Variants in CNTN5 observed in about 807,000 individuals in gnomAD.
The protein encoded by CNTN5 is contactin 5, also known as contactin-5.
Under a neutral mutation model 129.1 loss-of-function variants are expected in CNTN5, and 77 were observed. The ratio of observed to expected loss-of-function variants is 0.60; its 90% CI spans 0.50 to 0.72. CNTN5 has a LOEUF of 0.72. Ranked by LOEUF, CNTN5 falls within the 30% of genes least tolerant of loss-of-function variation. CNTN5 has a pLI of 0.00. For missense variants in CNTN5, 1,478 were observed against 1,328.8 expected (o/e 1.11, Z -1.75); for synonymous variants, 509 against 465.6 (o/e 1.09, Z -1.20).
At chr11:99,670,815 G>A (rs565951576) in intron 3 of CNTN5, among the ~76,000 whole-genome samples, 67 of 152,210 alleles carry the variant, frequency 4.4e-4, no homozygotes, top group African/African-American at 1.5e-3. Context: ...CTGCTTGGAC[G>A]CATTTTGAAC....
At chr11:99,279,120 G>A (rs1863581735) in intron 1 of CNTN5, among the ~76,000 whole-genome samples, 1 of 151,732 alleles carries the variant, frequency 6.6e-6, no homozygotes, top group Non-Finnish European at 1.5e-5. Context: ...TTGGTGTTTT[G>A]TTATTTCAAT....
Position 99,553,995 on chromosome 11 carries a change from CAT to C in CNTN5, c.-70-2148_-70-2147del, listed in dbSNP as rs1332664151. Among the ~76,000 whole-genome samples the C allele has an allele frequency of 5.0e-3, 636 of 127,338 alleles. 5 individuals carry two copies. Among genetic ancestry groups the C allele is most frequent in the African/African-American group, 0.019 (605 of 32,458 alleles). 83.5% of individuals were successfully genotyped at this position (127,338 alleles called of 152,430 possible). On this transcript the variant is annotated intron_variant, in intron 2 of 24. Transcript: ENST00000524871. ...ACACACACACACACACACACACACA[CAT>C]ACACACACACACACTTCTTCTTTTA...
At chr11:99,309,720 C>T (rs1001813286) in intron 1 of CNTN5, among the ~76,000 whole-genome samples, 1 of 152,204 alleles carries the variant, frequency 6.6e-6, no homozygotes, top group African/African-American at 2.4e-5. Flanking sequence ...TCATTTTATG[C>T]ATCTCAACTC....
At chr11:99,765,370 C>T (rs1053843553) in intron 3 of CNTN5, among the ~76,000 whole-genome samples, 3 of 150,162 alleles carry the variant, frequency 2.0e-5, no homozygotes, top group African/African-American at 7.5e-5. Flanking sequence ...GACTAAATCT[C>T]AGTATGAAAC....
chr11:99,300,368 G>A lies in CNTN5; in HGVS notation c.-209-24978G>A, dbSNP rs572560692. Among the ~76,000 whole-genome samples the A allele has an allele frequency of 1.1e-4, 17 of 151,810 alleles. No individual in the cohort carries two copies. The South Asian group carries it at 1.2e-3, about 11-fold the overall frequency. Reference sequence around the variant, plus strand: ...TATCTAATGCTTTTTTTAATCTATCGAGGTGACCATATGATTTTCATTTTT... The same window carrying A: ...TATCTAATGCTTTTTTTAATCTATCAAGGTGACCATATGATTTTCATTTTT... On this transcript the variant is annotated intron_variant, in intron 1 of 24. Transcript: ENST00000524871.
At chr11:100,043,858 T>C (rs2137694409) in intron 9 of CNTN5, among the ~76,000 whole-genome samples, 1 of 152,196 alleles carries the variant, frequency 6.6e-6, no homozygotes, top group East Asian at 1.9e-4. Flanking sequence ...AATTAGGTCA[T>C]AAATTCCTTG....
intron 3 of CNTN5, among the ~76,000 whole-genome samples, chr11:99,799,604 A>G (rs878933125): frequency 6.6e-6 from 1 of 152,092 alleles, no homozygotes; most frequent in Non-Finnish European, 1.5e-5. Context: ...CTACTTGATC[A>G]TGAAGAATTA....
At chr11:99,600,765 T>G (rs1159825271) in intron 3 of CNTN5, among the ~76,000 whole-genome samples, 1 of 152,168 alleles carries the variant, frequency 6.6e-6, no homozygotes, top group Non-Finnish European at 1.5e-5. Context: ...CTCCTTTCTT[T>G]TTTTCACCTT....
chr11:99,993,865 A>G (rs1470657934), intron 8 of CNTN5, among the ~76,000 whole-genome samples: 1 of 152,202 alleles, frequency 6.6e-6, no homozygotes, highest in Non-Finnish European at 1.5e-5. Context: ...GCTTTCTAAT[A>G]TGTCCTTATA....
In CNTN5 at chr11:100,308,389, C is replaced by A. The variant is rs200726875; in HGVS notation, c.2651C>A (p.Ala884Glu). 1 of 1,610,808 alleles carries A rather than the reference C, an allele frequency of 6.2e-7. No individual in the cohort carries two copies. Among genetic ancestry groups the A allele is most frequent in the Admixed American group, 1.7e-5 (1 of 59,760 alleles). ...AGTGCTGCTCCCACAGATGTCAAGG[C>A]GACAAGTGTGTCTGTGTCAGAGATT... ...EPSAAPTDVK[A>E]TSVSVSEILV... is the part of the protein sequence containing the mutation. Residue 884 changes from alanine to glutamate, a missense_variant, in exon 21 of 25, where the codon GCG (alanine) becomes GAG (glutamate). By Grantham distance (107) the Ala-to-Glu change is moderately radical (BLOSUM62 -1). Transcript: ENST00000524871.
At chr11:99,876,120 C>T (rs184270960) in intron 6 of CNTN5, among the ~76,000 whole-genome samples, 6 of 152,198 alleles carry the variant, frequency 3.9e-5, no homozygotes. Context: ...TGCATAGTTG[C>T]TACTGTCTAG....
intron 1 of CNTN5, 24 bp from the exon 2 acceptor site, chr11:99,325,322 A>T (rs927562405): frequency 2.0e-5 from 3 of 152,234 alleles, no homozygotes; most frequent in African/African-American, 7.2e-5. Context: ...TTTTATCACA[A>T]TAGTATATAT....
chr11:99,546,461 AT>A (rs1157457940), intron 2 of CNTN5, among the ~76,000 whole-genome samples: 2 of 152,084 alleles, frequency 1.3e-5, no homozygotes, highest in Non-Finnish European at 2.9e-5. Flanking sequence ...AGATCTATAA[AT>A]TGAGAGAGGA....
At chr11:99,195,898 C>T (rs967589842) in intron 1 of CNTN5, among the ~76,000 whole-genome samples, 1 of 151,886 alleles carries the variant, frequency 6.6e-6, no homozygotes, top group South Asian at 2.1e-4. Context: ...CAAAGAAATA[C>T]TTTATTCTGT....
chr11:99,873,088 A>G (rs1948544248), intron 6 of CNTN5, among the ~76,000 whole-genome samples: 1 of 2,978 alleles, frequency 3.4e-4, no homozygotes, highest in Non-Finnish European at 5.7e-4. Context: ...ACACTTTTGT[A>G]ACTGCCACCC....
At chr11:100,108,399 T>G (rs899658365) in intron 13 of CNTN5, among the ~76,000 whole-genome samples, 2 of 152,000 alleles carry the variant, frequency 1.3e-5, no homozygotes, top group South Asian at 4.1e-4. Context: ...GTGAGATGTA[T>G]GGTAGGAAAG....
At chr11:99,930,818 C>CACACACAT (rs1261996653) in intron 7 of CNTN5, among the ~76,000 whole-genome samples, 3 of 151,502 alleles carry the variant, frequency 2.0e-5, no homozygotes, top group Admixed American at 1.3e-4. Flanking sequence ...CACACACACA[C>CACACACAT]ATTTTAGTAT....
Position 100,070,846 on chromosome 11 carries a change from T to C in CNTN5, c.1299+286T>C, listed in dbSNP as rs967886750. The stretch of plus-strand genomic sequence containing the variant: ...ATTACATTTTTTGGTAATACAGTGT[T>C]TCTTTAAACTGTTTTCAATCCTATA... On this transcript the variant is annotated intron_variant, in intron 11 of 24. Transcript: ENST00000524871. Among the ~76,000 whole-genome samples the C allele has an allele frequency of 3.9e-5, 6 of 152,260 alleles. 1 individual carries two copies. The highest frequency in any genetic ancestry group is 3.4e-3 in the Middle Eastern group (1 of 294).
intron 10 of CNTN5, among the ~76,000 whole-genome samples, chr11:100,064,826 AAAGT>A (rs1387376623): frequency 6.6e-6 from 1 of 152,166 alleles, no homozygotes; most frequent in African/African-American, 2.4e-5. Context: ...AATGCAGAAC[AAAGT>A]AAGGAGAAAA....
Sources: allele counts gnomAD v4.1 joint callset (sites outside exome capture counted in the v4.1 genomes callset), GRCh38; gene constraint gnomAD v4.1.1; transcripts MANE v1.5; gene names NCBI Gene and HGNC (gene_info 2026-07-23, HGNC 2026-07-21).